PARVA: variants seen among roughly 807,000 people sequenced by gnomAD.
PARVA encodes the protein parvin alpha.
Under a neutral mutation model 52.6 loss-of-function variants are expected in PARVA, and 25 were observed. The ratio of observed to expected loss-of-function variants is 0.48; its 90% CI spans 0.35 to 0.66. The LOEUF (loss-of-function observed/expected upper bound fraction) is 0.66. Ranked by LOEUF, PARVA falls within the 30% of genes least tolerant of loss-of-function variation. The probability of loss-of-function intolerance (pLI) is 0.01; values close to 1 mark genes in which losing one functional copy is unlikely to be tolerated. For synonymous variants in PARVA, 185 were observed against 179.1 expected, an observed-to-expected ratio of 1.03 and a Z score of -0.26; for missense variants, 373 against 450.9, an observed-to-expected ratio of 0.83 and a Z score of 1.56.
Position 12,534,911 on chromosome 11 carries a change from T to C in PARVA, c.*6986T>C, listed in dbSNP as rs1028971086. Among the ~76,000 whole-genome samples, 4 of 152,232 alleles carry C rather than the reference T, an allele frequency of 2.6e-5. No individual in the cohort carries two copies. Among genetic ancestry groups the C allele is most frequent in the African/African-American group, 7.2e-5 (3 of 41,456 alleles). On this transcript the variant is annotated 3_prime_UTR_variant, in exon 13 of 13. Transcript: ENST00000334956. ...CTTTAGGGGTTACCCCATCTTTCCT[T>C]ATGTGTGTAATATTGGAGAATGTAC...
intron 7 of PARVA, 23 bp downstream of exon 7, chr11:12,508,665 A>G (rs766159051): frequency 1.3e-6 from 2 of 1,552,788 alleles, no homozygotes; most frequent in Non-Finnish European, 8.9e-7. Flanking sequence ...CATTGTTGCC[A>G]GCGATTCTGT....
intron 1 of PARVA, among the ~76,000 whole-genome samples, chr11:12,402,308 A>T (rs1939839499): frequency 1.3e-5 from 2 of 152,202 alleles, no homozygotes; most frequent in South Asian, 4.1e-4. Context: ...ATAACTGCCA[A>T]TGTGTGGCCC....
intron 5 of PARVA, among the ~76,000 whole-genome samples, chr11:12,498,097 A>C (rs1458079284): frequency 6.6e-6 from 1 of 152,154 alleles, no homozygotes; most frequent in African/African-American, 2.4e-5. Flanking sequence ...GCAGTGGTGC[A>C]ATCTCAGCTC....
chr11:12,496,397 T>C (rs2135059682), intron 4 of PARVA, 61 bp from the exon 5 acceptor site: 1 of 1,545,078 alleles, frequency 6.5e-7, no homozygotes, highest in South Asian at 1.2e-5. Flanking sequence ...AGTAAGTGCA[T>C]GCAGTAGGGT....
At chr11:12,508,126 A>G (rs1254734653) in intron 6 of PARVA, among the ~76,000 whole-genome samples, 6 of 66,490 alleles carry the variant, frequency 9.0e-5, no homozygotes, top group Non-Finnish European at 1.9e-4. Flanking sequence ...AAAAAAACCA[A>G]AAAAAAAAAC....
At chr11:12,473,659 G>T in intron 1 of PARVA, 86 bp from the exon 2 acceptor site, 4 of 989,418 alleles carry the variant, frequency 4.0e-6, no homozygotes, top group Admixed American at 4.2e-5. Flanking sequence ...TTTTCTCAAT[G>T]TCAATATCGA....
chr11:12,495,983 A>G (rs1010070301), intron 4 of PARVA, among the ~76,000 whole-genome samples: 23 of 152,366 alleles, frequency 1.5e-4, no homozygotes, highest in African/African-American at 4.8e-4. Context: ...AATATGACAC[A>G]TTAAGTAAGT....
chr11:12,499,987 T>C (rs1941345784), intron 5 of PARVA, among the ~76,000 whole-genome samples: 1 of 152,198 alleles, frequency 6.6e-6, no homozygotes, highest in African/African-American at 2.4e-5. Flanking sequence ...ATTTTCAGAT[T>C]GTTCTCCGTT....
chr11:12,490,516 CA>C (rs34904579), intron 4 of PARVA, among the ~76,000 whole-genome samples: 50 of 108,654 alleles, frequency 4.6e-4, no homozygotes, highest in Middle Eastern at 4.3e-3. Flanking sequence ...GACTATGTCT[CA>C]AAAAAAAAAA....
At chr11:12,440,843 G>A (rs553225898) in intron 1 of PARVA, among the ~76,000 whole-genome samples, 12 of 152,298 alleles carry the variant, frequency 7.9e-5, no homozygotes, top group Admixed American at 1.3e-4. Context: ...AAGTCTCTCC[G>A]ACTTCCTCTT....
At position 12,519,704 on chromosome 11, in the gene PARVA, T is replaced by C. The variant is rs144871298; in HGVS notation, c.1042+1187T>C. ...GAGCAAAAGTCCCCCCGGGGAAGAA[T>C]GGGGACCCTGTCTCATGACTCCTTC... On this transcript the variant is annotated intron_variant, in intron 12 of 12. Coordinates refer to ENST00000334956, the MANE Select transcript of PARVA (RefSeq NM_018222.5). Among the ~76,000 whole-genome samples the C allele has an allele frequency of 6.2e-3, 939 of 152,222 alleles. 9 individuals carry two copies. Among genetic ancestry groups the C allele is most frequent in the African/African-American group, 0.021 (880 of 41,532 alleles).
At chr11:12,510,501 C>T (rs1438314560) in intron 7 of PARVA, among the ~76,000 whole-genome samples, 1 of 152,180 alleles carries the variant, frequency 6.6e-6, no homozygotes, top group East Asian at 1.9e-4. Context: ...GGTTCATTAG[C>T]TTGCCCAAAG....
Position 12,482,071 on chromosome 11 carries a change from A to G in PARVA, c.400+4122A>G, listed in dbSNP as rs141870940. On this transcript the variant is annotated intron_variant, in intron 4 of 12. Coordinates refer to ENST00000334956, the MANE Select transcript of PARVA (RefSeq NM_018222.5). ...CTTGCGAGGCTAAGACAGGAGAATC[A>G]CTTGAACCCAGGAGGCAGAGGTTGC... 2.5e-3 allele frequency among the ~76,000 whole-genome samples: 372 copies of G among 150,964 alleles called. 2 individuals are homozygous for G. The highest frequency in any genetic ancestry group is 8.7e-3 in the African/African-American group (355 of 41,016).
chr11:12,439,121 C>T (rs1183636611), intron 1 of PARVA, among the ~76,000 whole-genome samples: 1 of 152,152 alleles, frequency 6.6e-6, no homozygotes, highest in Admixed American at 6.5e-5. Context: ...ACAGAGGAGA[C>T]CACTAGTTCT....
At chr11:12,399,537 G>A (rs973409955) in intron 1 of PARVA, among the ~76,000 whole-genome samples, 7 of 152,188 alleles carry the variant, frequency 4.6e-5, no homozygotes, top group Non-Finnish European at 2.9e-5. Context: ...TTTATTATAA[G>A]TTCTTGTCTT....
chr11:12,446,119 AAAT>A (rs1314695421), intron 1 of PARVA, among the ~76,000 whole-genome samples: 1 of 152,204 alleles, frequency 6.6e-6, no homozygotes, highest in East Asian at 1.9e-4. Flanking sequence ...CAGATTGGGG[AAAT>A]AATTGTAATA....
At chr11:12,449,790 C>G (rs1940599323) in intron 1 of PARVA, among the ~76,000 whole-genome samples, 1 of 152,188 alleles carries the variant, frequency 6.6e-6, no homozygotes, top group Non-Finnish European at 1.5e-5. Context: ...AGACATTCTA[C>G]AGTGTGCAGA....
Position 12,458,107 on chromosome 11 carries a change from C to T in PARVA, c.137-15638C>T, listed in dbSNP as rs553531178. ...AAGGAATGAGTACATTTTCCAAGTC[C>T]CCATTCCATCAGATGAAGGGGTCAC... On this transcript the variant is annotated intron_variant, in intron 1 of 12. Coordinates refer to ENST00000334956, the MANE Select transcript of PARVA (RefSeq NM_018222.5). Among the ~76,000 whole-genome samples, 103 of 152,302 alleles carry T rather than the reference C, an allele frequency of 6.8e-4. 1 individual carries two copies. In the South Asian group the frequency reaches 0.021, roughly 31 times the overall value.
At chr11:12,476,668 G>A (rs561354140) in intron 3 of PARVA, among the ~76,000 whole-genome samples, 21 of 152,144 alleles carry the variant, frequency 1.4e-4, no homozygotes, top group South Asian at 1.0e-3. Flanking sequence ...TTGGTTGACC[G>A]GTTTTCTGCC....
Sources: allele counts gnomAD v4.1 joint callset (sites outside exome capture counted in the v4.1 genomes callset), GRCh38; gene constraint gnomAD v4.1.1; transcripts MANE v1.5; gene names NCBI Gene and HGNC (gene_info 2026-07-23, HGNC 2026-07-21).